Variants in CACNA1D observed in about 807,000 individuals in gnomAD.
CACNA1D encodes the protein calcium voltage-gated channel subunit alpha1 D, also known as voltage-dependent L-type calcium channel subunit alpha-1D.
A neutral mutation model predicts 257.1 loss-of-function variants in CACNA1D; 55 were observed. The ratio of observed to expected loss-of-function variants is 0.21; its 90% CI spans 0.17 to 0.27. CACNA1D has a LOEUF of 0.27. CACNA1D is among the 10% of genes least tolerant of loss of function. The pLI, the probability that CACNA1D is intolerant of heterozygous loss-of-function variation, is 1.00. For missense variants in CACNA1D, 1,876 were observed against 2,784.0 expected, an observed-to-expected ratio of 0.67 and a Z score of 7.34; for synonymous variants, 980 against 1,014.9, an observed-to-expected ratio of 0.97 and a Z score of 0.65.
At chr3:53,653,526 AC>A (rs779489022) in intron 4 of CACNA1D, among the ~76,000 whole-genome samples, 3 of 152,206 alleles carry the variant, frequency 2.0e-5, no homozygotes, top group African/African-American at 2.4e-5. Context: ...ATAAAAAAAA[AC>A]AAATGGAACT....
intron 39 of CACNA1D, 37 bp from the exon 40 acceptor site, chr3:53,786,785 C>T: frequency 7.4e-7 from 1 of 1,354,430 alleles, no homozygotes; most frequent in Non-Finnish European, 9.8e-7. Context: ...GTCTAATGTG[C>T]TGATTCGGGA....
intron 3 of CACNA1D, among the ~76,000 whole-genome samples, chr3:53,538,037 A>G (rs894975269): frequency 2.3e-5 from 3 of 128,940 alleles, no homozygotes; most frequent in African/African-American, 9.0e-5. Context: ...AGATCAAGTC[A>G]TTCCTTATGG....
intron 29 of CACNA1D, among the ~76,000 whole-genome samples, chr3:53,761,605 G>A (rs564283212): frequency 6.6e-6 from 1 of 152,324 alleles, no homozygotes; most frequent in South Asian, 2.1e-4. Context: ...TTTAAGTGGG[G>A]TGAATGGAGA....
intron 40 of CACNA1D, among the ~76,000 whole-genome samples, chr3:53,787,290 G>A (rs77171333): frequency 2.3e-3 from 347 of 152,306 alleles, no homozygotes; most frequent in African/African-American, 6.6e-3. Context: ...GGGCTCCAGG[G>A]TTCTGGCTGC....
At chr3:53,588,629 C>T (rs2093256481) in intron 3 of CACNA1D, among the ~76,000 whole-genome samples, 1 of 152,170 alleles carries the variant, frequency 6.6e-6, no homozygotes, top group Non-Finnish European at 1.5e-5. Flanking sequence ...CCCTTGTTTT[C>T]CCTGAGAGCA....
chr3:53,651,361 A>ATTTCCTTT (rs2094090649), intron 4 of CACNA1D, among the ~76,000 whole-genome samples: 2 of 57,168 alleles, frequency 3.5e-5, no homozygotes, highest in Non-Finnish European at 6.7e-5. Context: ...AAAGCTATTA[A>ATTTCCTTT]TTTTCTTTTT....
At chr3:53,668,436 T>G in intron 7 of CACNA1D, among the ~76,000 whole-genome samples, 1 of 152,330 alleles carries the variant, frequency 6.6e-6, no homozygotes, top group Middle Eastern at 3.4e-3. Context: ...CTATTTTTAT[T>G]ATTAATATGA....
rs559149464 is a variant in CACNA1D, at chr3:53,533,324, C to T, written c.483+31604C>T. The stretch of plus-strand genomic sequence containing the variant: ...TACTTTGAGAAGTAGATCGGGTCTA[C>T]GTTTAAAAATCGCGTATGTGGGAGG... On this transcript the variant is annotated intron_variant, in intron 3 of 47. Transcript: ENST00000350061. Among the ~76,000 whole-genome samples, 324 of 152,188 alleles carry T rather than the reference C, an allele frequency of 2.1e-3. 1 individual carries two copies. The highest frequency in any genetic ancestry group is 2.1e-3 in the Non-Finnish European group (144 of 68,026).
At chr3:53,768,457 G>T (rs1269256154) in intron 30 of CACNA1D, among the ~76,000 whole-genome samples, 2 of 152,240 alleles carry the variant, frequency 1.3e-5, no homozygotes, top group African/African-American at 4.8e-5. Flanking sequence ...TGTGGAAAAT[G>T]ATGAGAACTT....
intron 29 of CACNA1D, among the ~76,000 whole-genome samples, chr3:53,759,653 G>GA (rs1372863064): frequency 6.6e-6 from 1 of 152,244 alleles, no homozygotes; most frequent in Non-Finnish European, 1.5e-5. Context: ...ACTCCATGAA[G>GA]AAAAGGGCAG....
intron 3 of CACNA1D, among the ~76,000 whole-genome samples, chr3:53,573,789 G>A (rs1157336172): frequency 6.6e-6 from 1 of 152,212 alleles, no homozygotes; most frequent in East Asian, 1.9e-4. Flanking sequence ...AACAAAGTGT[G>A]TCCAGTCACT....
intron 8 of CACNA1D, among the ~76,000 whole-genome samples, chr3:53,674,645 C>T (rs1229394803): frequency 2.6e-5 from 4 of 152,214 alleles, no homozygotes; most frequent in Non-Finnish European, 5.9e-5. Context: ...CCCTTGTGGG[C>T]AGCCCTGCAT....
At chr3:53,629,305 A>G (rs2093796110) in intron 3 of CACNA1D, among the ~76,000 whole-genome samples, 1 of 152,144 alleles carries the variant, frequency 6.6e-6, no homozygotes, top group South Asian at 2.1e-4. Context: ...GCCAACCCAC[A>G]TTTTCTCTGG....
chr3:53,766,910 T>G (rs1313435714), intron 30 of CACNA1D, among the ~76,000 whole-genome samples: 3 of 152,144 alleles, frequency 2.0e-5, no homozygotes, highest in African/African-American at 4.8e-5. Flanking sequence ...GAAGAGTCCT[T>G]CCCCAGTCTG....
At chr3:53,743,502 G>A (rs1312266321) in intron 22 of CACNA1D, among the ~76,000 whole-genome samples, 4 of 152,194 alleles carry the variant, frequency 2.6e-5, no homozygotes, top group African/African-American at 9.7e-5. Context: ...GGGACCAGGT[G>A]GCCTTTCAGT....
chr3:53,543,884 A>T (rs935020614), intron 3 of CACNA1D, among the ~76,000 whole-genome samples: 1 of 152,254 alleles, frequency 6.6e-6, no homozygotes. Flanking sequence ...TCATTGCACA[A>T]ATAATGCAAA....
chr3:53,778,510 G>T (rs1282028920), intron 37 of CACNA1D, among the ~76,000 whole-genome samples: 1 of 152,208 alleles, frequency 6.6e-6, no homozygotes, highest in African/African-American at 2.4e-5. Context: ...ATATGGAAGA[G>T]AAAGAAAATC....
At chr3:53,784,140 G>T (rs990447466) in intron 39 of CACNA1D, among the ~76,000 whole-genome samples, 1 of 152,216 alleles carries the variant, frequency 6.6e-6, no homozygotes, top group Admixed American at 6.5e-5. Context: ...TGGCCCGGGG[G>T]TCTCCGCTGC....
intron 8 of CACNA1D, among the ~76,000 whole-genome samples, chr3:53,675,624 G>A (rs2094367954): frequency 6.6e-6 from 1 of 152,098 alleles, no homozygotes; most frequent in South Asian, 2.1e-4. Flanking sequence ...ATGGGCGGGG[G>A]GGCTTCCCAC....
Sources: gnomAD v4.1 joint callset for allele counts (sites outside exome capture counted in the v4.1 genomes callset) on GRCh38, gnomAD v4.1.1 for gene constraint, MANE v1.5 for transcripts, NCBI Gene and HGNC (gene_info 2026-07-23, HGNC 2026-07-21) for gene names.